RBFOX1: variants seen among roughly 807,000 people sequenced by gnomAD.
RBFOX1 encodes the protein RNA binding fox-1 homolog 1.
RBFOX1 carries 8 observed loss-of-function variants against 57.7 expected under a neutral mutation model. The ratio of observed to expected loss-of-function variants is 0.14; its 90% CI spans 0.08 to 0.25. The LOEUF is 0.25. RBFOX1 is among the 10% of genes least tolerant of loss of function. RBFOX1 has a pLI of 1.00. For synonymous variants in RBFOX1, 326 were observed against 222.4 expected (o/e 1.47, Z -4.15); for missense variants, 611 against 548.5 (o/e 1.11, Z -1.14).
intron 1 of RBFOX1, among the ~76,000 whole-genome samples, chr16:6,255,137 G>A (rs2097652584): frequency 6.6e-6 from 1 of 152,160 alleles, no homozygotes; most frequent in Non-Finnish European, 1.5e-5. Flanking sequence ...AAGAAAGTCT[G>A]TGGATTAGAA....
intron 14 of RBFOX1, among the ~76,000 whole-genome samples, chr16:7,699,846 T>C (rs1312278852): frequency 1.3e-5 from 2 of 152,188 alleles, no homozygotes; most frequent in East Asian, 3.8e-4. Flanking sequence ...CATTTTTCAT[T>C]TGGCTCAAAT....
At chr16:7,279,036 A>AT (rs1366227466) in intron 4 of RBFOX1, among the ~76,000 whole-genome samples, 1 of 151,810 alleles carries the variant, frequency 6.6e-6, no homozygotes, top group Admixed American at 6.6e-5. Flanking sequence ...TGACGGATGG[A>AT]TAAAAAGTCC....
intron 2 of RBFOX1, among the ~76,000 whole-genome samples, chr16:5,529,837 G>A (rs8052074): frequency 0.7 from 106,316 of 151,970 alleles, 37,764 homozygotes; most frequent in East Asian, 0.88. Flanking sequence ...CAAAGTGCTG[G>A]AATTACAGGC....
intron 3 of RBFOX1, among the ~76,000 whole-genome samples, chr16:6,904,494 G>A (rs533966955): frequency 4.6e-5 from 7 of 151,426 alleles, no homozygotes; most frequent in Non-Finnish European, 8.8e-5. Flanking sequence ...CCAGCTACTC[G>A]GGAGGCCGAG....
chr16:6,278,433 A>C (rs1227522202), intron 1 of RBFOX1, among the ~76,000 whole-genome samples: 1 of 143,520 alleles, frequency 7.0e-6, no homozygotes, highest in South Asian at 2.4e-4. Flanking sequence ...ACACAAGAAG[A>C]GTATTACCTA....
intron 4 of RBFOX1, among the ~76,000 whole-genome samples, chr16:5,989,264 G>A (rs1179185132): frequency 6.6e-6 from 1 of 152,020 alleles, no homozygotes; most frequent in East Asian, 1.9e-4. Flanking sequence ...CCGGGAGGCG[G>A]AGTTTACAGT....
chr16:5,764,767 C>A (rs1295990700), intron 3 of RBFOX1, among the ~76,000 whole-genome samples: 1 of 151,638 alleles, frequency 6.6e-6, no homozygotes, highest in African/African-American at 2.4e-5. Flanking sequence ...AGAAAATCTG[C>A]CCTGCCTACC....
At chr16:6,375,524 C>G (rs986928116) in intron 2 of RBFOX1, among the ~76,000 whole-genome samples, 1 of 151,896 alleles carries the variant, frequency 6.6e-6, no homozygotes, top group African/African-American at 2.4e-5. Flanking sequence ...AATGCCAAAG[C>G]CTGTGCAGTT....
intron 4 of RBFOX1, among the ~76,000 whole-genome samples, chr16:7,486,414 G>A (rs941262034): frequency 2.6e-5 from 4 of 151,990 alleles, no homozygotes; most frequent in African/African-American, 4.8e-5. Flanking sequence ...TGGGATTATA[G>A]GTGTGAGCCA....
At chr16:7,685,849 C>G (rs1050808450) in intron 14 of RBFOX1, among the ~76,000 whole-genome samples, 1 of 152,032 alleles carries the variant, frequency 6.6e-6, no homozygotes, top group Non-Finnish European at 1.5e-5. Context: ...CTTTTATTCT[C>G]ATTGGACCTA....
intron 4 of RBFOX1, among the ~76,000 whole-genome samples, chr16:7,308,155 A>C (rs570130668): frequency 1.3e-5 from 2 of 152,316 alleles, no homozygotes; most frequent in South Asian, 4.1e-4. Context: ...AGAAATCTAG[A>C]GATGGTTTAT....
chr16:6,131,593 G>A (rs770467085), intron 1 of RBFOX1, among the ~76,000 whole-genome samples: 1 of 152,160 alleles, frequency 6.6e-6, no homozygotes, highest in Admixed American at 6.5e-5. Flanking sequence ...TTATAAAACT[G>A]TGTGGACAGA....
At chr16:6,281,598 T>G (rs2076384604) in intron 1 of RBFOX1, among the ~76,000 whole-genome samples, 1 of 152,036 alleles carries the variant, frequency 6.6e-6, no homozygotes, top group Admixed American at 6.6e-5. Flanking sequence ...ACCTTTGCAT[T>G]ATTTTGTGGG....
At chr16:6,496,522 A>G (rs1056680424) in intron 2 of RBFOX1, among the ~76,000 whole-genome samples, 2 of 152,178 alleles carry the variant, frequency 1.3e-5, no homozygotes, top group African/African-American at 4.8e-5. Flanking sequence ...TTGCCTGCCC[A>G]CTTGAACGTA....
chr16:5,884,604 C>T (rs1597632427), intron 4 of RBFOX1, among the ~76,000 whole-genome samples: 1 of 152,058 alleles, frequency 6.6e-6, no homozygotes, highest in Admixed American at 6.5e-5. Flanking sequence ...CCAACGTAGC[C>T]ATAAGCCTTT....
intron 4 of RBFOX1, among the ~76,000 whole-genome samples, chr16:5,914,747 A>T (rs1280081386): frequency 6.6e-6 from 1 of 152,084 alleles, no homozygotes; most frequent in Non-Finnish European, 1.5e-5. Flanking sequence ...ATACAAAAAA[A>T]TAGCGGGCAT....
At chr16:7,129,728 T>C (rs893805110) in intron 4 of RBFOX1, among the ~76,000 whole-genome samples, 4 of 151,702 alleles carry the variant, frequency 2.6e-5, no homozygotes, top group African/African-American at 9.7e-5. Context: ...TCGGGTTGTG[T>C]GTGCTATTTT....
chr16:7,438,941 C>T (rs913964008), intron 4 of RBFOX1, among the ~76,000 whole-genome samples: 22 of 152,160 alleles, frequency 1.4e-4, no homozygotes, highest in Non-Finnish European at 2.1e-4. Context: ...AAAAGAAAGC[C>T]ATTTCAGAAG....
intron 1 of RBFOX1, among the ~76,000 whole-genome samples, chr16:6,215,783 A>G (rs983214443): frequency 2.6e-5 from 4 of 152,150 alleles, no homozygotes; most frequent in African/African-American, 9.7e-5. Flanking sequence ...TATTTAACCC[A>G]GCCTGTTTTC....
Sources: gnomAD v4.1 joint callset for allele counts (sites outside exome capture counted in the v4.1 genomes callset) on GRCh38, gnomAD v4.1.1 for gene constraint, MANE v1.5 for transcripts, NCBI Gene and HGNC (gene_info 2026-07-23, HGNC 2026-07-21) for gene names.